The following CNTNAP2 variants were observed in gnomAD, a reference collection of about 807,000 sequenced individuals.
CNTNAP2 encodes the protein contactin associated protein 2, also known as contactin-associated protein-like 2.
Under a neutral mutation model 155.2 loss-of-function variants are expected in CNTNAP2, and 98 were observed. The ratio of observed to expected loss-of-function variants is 0.63; its 90% CI spans 0.54 to 0.75. CNTNAP2 has a LOEUF of 0.75. Among genes scored for constraint, CNTNAP2 ranks in the 30% least tolerant of loss-of-function variants. The pLI is 0.00. For missense variants in CNTNAP2, 1,727 were observed against 1,688.1 expected, an observed-to-expected ratio of 1.02 and a Z score of -0.40; for synonymous variants, 651 against 631.2, an observed-to-expected ratio of 1.03 and a Z score of -0.47.
chr7:146,162,690 A>G (rs1798243359), intron 1 of CNTNAP2, among the ~76,000 whole-genome samples: 1 of 152,232 alleles, frequency 6.6e-6, no homozygotes, highest in Non-Finnish European at 1.5e-5. Flanking sequence ...TCATGCTGCT[A>G]TAAAGACACA....
At chr7:146,330,458 A>G (rs1034624039) in intron 1 of CNTNAP2, among the ~76,000 whole-genome samples, 5 of 152,180 alleles carry the variant, frequency 3.3e-5, no homozygotes, top group African/African-American at 1.2e-4. Flanking sequence ...AGAGCACACA[A>G]TCAATTGTAT....
intron 19 of CNTNAP2, among the ~76,000 whole-genome samples, chr7:148,219,756 C>T (rs889672888): frequency 1.3e-5 from 2 of 152,042 alleles, no homozygotes; most frequent in African/African-American, 4.8e-5. Flanking sequence ...ATCGCTGGAG[C>T]CCAGAAGTTG....
At chr7:148,299,232 T>A (rs6464869) in intron 21 of CNTNAP2, among the ~76,000 whole-genome samples, 1 of 152,206 alleles carries the variant, frequency 6.6e-6, no homozygotes, top group South Asian at 2.1e-4. Flanking sequence ...CCTTGTGATG[T>A]GCCCTCCTCA....
chr7:146,888,268 G>A (rs1188899471), intron 3 of CNTNAP2, among the ~76,000 whole-genome samples: 1 of 151,934 alleles, frequency 6.6e-6, no homozygotes, highest in Non-Finnish European at 1.5e-5. Context: ...CTGAATAGTA[G>A]AACTCGTGTG....
At chr7:147,066,708 G>A (rs984143384) in intron 4 of CNTNAP2, among the ~76,000 whole-genome samples, 2 of 152,150 alleles carry the variant, frequency 1.3e-5, no homozygotes, top group African/African-American at 2.4e-5. Flanking sequence ...AATTAAACAG[G>A]TTTGCTTTCC....
At chr7:147,300,629 T>C (rs1162531717) in intron 9 of CNTNAP2, among the ~76,000 whole-genome samples, 4 of 152,238 alleles carry the variant, frequency 2.6e-5, no homozygotes, top group Admixed American at 2.0e-4. Context: ...ATTCAAACCT[T>C]AGTGTCTTCA....
At chr7:146,738,857 A>C (rs1380218118) in intron 1 of CNTNAP2, among the ~76,000 whole-genome samples, 2 of 147,306 alleles carry the variant, frequency 1.4e-5, no homozygotes, top group Non-Finnish European at 3.0e-5. Flanking sequence ...TTTTTTTCAT[A>C]ATTCACTCTT....
chr7:146,806,062 C>T (rs1372094348), intron 2 of CNTNAP2, among the ~76,000 whole-genome samples: 1 of 152,116 alleles, frequency 6.6e-6, no homozygotes, highest in South Asian at 2.1e-4. Flanking sequence ...CCTTGCTGCT[C>T]CATGATAGTA....
At chr7:147,502,197 A>G (rs910823577) in intron 11 of CNTNAP2, among the ~76,000 whole-genome samples, 3 of 152,206 alleles carry the variant, frequency 2.0e-5, no homozygotes, top group Non-Finnish European at 4.4e-5. Flanking sequence ...TTCCAATCAG[A>G]TGTTTTATAG....
chr7:147,407,222 A>C (rs963621588), intron 10 of CNTNAP2, among the ~76,000 whole-genome samples: 1 of 152,132 alleles, frequency 6.6e-6, no homozygotes, highest in Non-Finnish European at 1.5e-5. Flanking sequence ...TGATCCCAGC[A>C]CTTTGGGAGG....
At chr7:147,544,730 TG>T (rs1248656309) in intron 11 of CNTNAP2, among the ~76,000 whole-genome samples, 2 of 152,060 alleles carry the variant, frequency 1.3e-5, no homozygotes, top group African/African-American at 4.8e-5. Flanking sequence ...AGGGACCTGG[TG>T]GGAGACAATT....
At chr7:147,499,736 C>T (rs566306769) in intron 11 of CNTNAP2, among the ~76,000 whole-genome samples, 10 of 152,090 alleles carry the variant, frequency 6.6e-5, no homozygotes, top group South Asian at 6.2e-4. Flanking sequence ...AATATGGAGA[C>T]GTTAGGAGAG....
At chr7:147,104,988 T>C (rs1295210535) in intron 4 of CNTNAP2, among the ~76,000 whole-genome samples, 3 of 148,548 alleles carry the variant, frequency 2.0e-5, no homozygotes, top group African/African-American at 7.4e-5. Context: ...TATGCACCAG[T>C]TAAGTACCCA....
At chr7:147,198,453 A>C (rs1162342625) in intron 8 of CNTNAP2, among the ~76,000 whole-genome samples, 2 of 152,122 alleles carry the variant, frequency 1.3e-5, no homozygotes. Flanking sequence ...GCTGGTCTTG[A>C]ATTCCTGACC....
intron 12 of CNTNAP2, among the ~76,000 whole-genome samples, chr7:147,581,985 G>C (rs1456628339): frequency 6.6e-6 from 1 of 152,120 alleles, no homozygotes; most frequent in Non-Finnish European, 1.5e-5. Flanking sequence ...TATGAACAAA[G>C]AGATTTTAGA....
At chr7:146,466,805 C>T (rs919663860) in intron 1 of CNTNAP2, among the ~76,000 whole-genome samples, 1 of 152,148 alleles carries the variant, frequency 6.6e-6, no homozygotes, top group African/African-American at 2.4e-5. Context: ...ACTAATTAAT[C>T]CTAAAATGAA....
chr7:146,417,343 T>C (rs1416472290), intron 1 of CNTNAP2, among the ~76,000 whole-genome samples: 3 of 152,194 alleles, frequency 2.0e-5, no homozygotes, highest in African/African-American at 2.4e-5. Flanking sequence ...GAGAATGAGA[T>C]GTAGCAGCAA....
intron 1 of CNTNAP2, among the ~76,000 whole-genome samples, chr7:146,159,296 G>T (rs540838801): frequency 6.6e-6 from 1 of 152,178 alleles, no homozygotes; most frequent in Non-Finnish European, 1.5e-5. Context: ...ATGCCAAATT[G>T]TAAAGACCAT....
chr7:146,653,351 T>C (rs1799946757), intron 1 of CNTNAP2, among the ~76,000 whole-genome samples: 7 of 152,076 alleles, frequency 4.6e-5, no homozygotes. Context: ...GCCTTTGCGG[T>C]GTGTCAAATT....
Sources: gnomAD v4.1 joint callset for allele counts (sites outside exome capture counted in the v4.1 genomes callset) on GRCh38, gnomAD v4.1.1 for gene constraint, MANE v1.5 for transcripts, NCBI Gene and HGNC (gene_info 2026-07-23, HGNC 2026-07-21) for gene names.